The following CNKSR3 variants were observed in gnomAD, a reference collection of about 807,000 sequenced individuals.
CNKSR3 encodes CNKSR family member 3.
CNKSR3 carries 36 observed loss-of-function variants against 67.7 expected under a neutral mutation model. That is an observed-to-expected ratio of 0.53 (90% confidence interval 0.41 to 0.70). CNKSR3 has a LOEUF of 0.70. Among genes scored for constraint, CNKSR3 ranks in the 30% least tolerant of loss-of-function variants. CNKSR3 has a pLI of 0.00. For synonymous variants in CNKSR3, 281 were observed against 271.4 expected (o/e 1.04, Z -0.35); for missense variants, 630 against 695.2 (o/e 0.91, Z 1.05).
intron 1 of CNKSR3, among the ~76,000 whole-genome samples, chr6:154,493,190 G>A (rs1389301445): frequency 3.9e-5 from 6 of 152,046 alleles, no homozygotes; most frequent in Admixed American, 3.3e-4. Context: ...ACATGCACTC[G>A]CTGTTCCCTT....
chr6:154,431,177 C>T (rs1333290270), intron 5 of CNKSR3, among the ~76,000 whole-genome samples: 1 of 152,096 alleles, frequency 6.6e-6, no homozygotes, highest in Non-Finnish European at 1.5e-5. Flanking sequence ...GGCACAGTGG[C>T]TCATGCCTGT....
chr6:154,481,711 A>G (rs901267612), intron 1 of CNKSR3, among the ~76,000 whole-genome samples: 5 of 152,228 alleles, frequency 3.3e-5, no homozygotes, highest in Admixed American at 3.3e-4. Context: ...GGTCATCTTC[A>G]GAGCACTGAA....
At chr6:154,444,595 A>T (rs980373962) in intron 2 of CNKSR3, among the ~76,000 whole-genome samples, 1 of 151,528 alleles carries the variant, frequency 6.6e-6, no homozygotes, top group African/African-American at 2.4e-5. Context: ...TCCCCTCTGA[A>T]GTGGAGAAAC....
intron 1 of CNKSR3, among the ~76,000 whole-genome samples, chr6:154,495,923 G>A (rs987342260): frequency 2.0e-5 from 3 of 151,842 alleles, no homozygotes; most frequent in East Asian, 1.9e-4. Context: ...CCATTGCCAC[G>A]GCTCTGTCAT....
chr6:154,442,339 T>C (rs1351852837), intron 2 of CNKSR3, 49 bp from the exon 3 acceptor site: 6 of 1,527,784 alleles, frequency 3.9e-6, no homozygotes, highest in Non-Finnish European at 4.5e-6. Context: ...TGCACAATAT[T>C]CGACAGGGCG....
intron 4 of CNKSR3, among the ~76,000 whole-genome samples, chr6:154,434,688 G>A (rs1785435048): frequency 6.6e-6 from 1 of 152,138 alleles, no homozygotes; most frequent in Non-Finnish European, 1.5e-5. Context: ...GAGCAGCCTA[G>A]AGAGAAAAGA....
Position 154,389,575 on chromosome 6 carries a change from T to C in CNKSR3, c.*16779A>G, listed in dbSNP as rs913942388. 6.6e-6 allele frequency: 1 copy of C among 152,240 alleles called. No individual in the cohort carries two copies. Among genetic ancestry groups the C allele is most frequent in the African/African-American group, 2.4e-5 (1 of 41,462 alleles). 9.4% of individuals were successfully genotyped at this position (152,240 alleles called of 1,614,324 possible). A position where few individuals can be genotyped will look rare whatever the true frequency, so the allele number is the denominator to read the frequency against. On this transcript the variant is annotated 3_prime_UTR_variant, in exon 13 of 13. Coordinates refer to ENST00000607772, the MANE Select transcript of CNKSR3 (RefSeq NM_173515.4). ...TCAAGATTGATATGGCTATTCATGG[T>C]CTTTTGTGGTTTCATATGGACTGTA...
chr6:154,504,406 A>G (rs1408507831), intron 1 of CNKSR3, among the ~76,000 whole-genome samples: 1 of 152,218 alleles, frequency 6.6e-6, no homozygotes, highest in Non-Finnish European at 1.5e-5. Context: ...TCCTGGAGCT[A>G]TAGGAAAAAG....
At position 154,510,226 on chromosome 6, in the gene CNKSR3, G is replaced by C. The variant is rs1049163332; in HGVS notation, c.-112C>G. On this transcript the variant is annotated 5_prime_UTR_variant, in exon 1 of 13. Transcript: ENST00000607772. ...CGCCCGCGGCTGCTCCCCTGCGCCC[G>C]AGCGACTCCGTCAAGACTGCATGGC... The C allele has an allele frequency of 3.1e-6, 4 of 1,273,172 alleles. No individual in the cohort carries two copies. Among genetic ancestry groups the C allele is most frequent in the Admixed American group, 1.8e-5 (1 of 56,916 alleles). 78.9% of individuals were successfully genotyped at this position (1,273,172 alleles called of 1,614,324 possible). A position where few individuals can be genotyped will look rare whatever the true frequency, so the allele number is the denominator to read the frequency against.
At chr6:154,435,036 C>T (rs1472421021) in intron 4 of CNKSR3, among the ~76,000 whole-genome samples, 1 of 150,328 alleles carries the variant, frequency 6.7e-6, no homozygotes, top group African/African-American at 2.5e-5. Flanking sequence ...ACTCTCTCGC[C>T]CAAGTAGGAA....
chr6:154,510,002 G>T (rs1787181877), intron 1 of CNKSR3, 61 bp downstream of exon 1: 17 of 1,581,614 alleles, frequency 1.1e-5, no homozygotes, highest in Non-Finnish European at 1.0e-5. Context: ...CTCTTCCCCA[G>T]CTCCTCGTCC....
intron 1 of CNKSR3, among the ~76,000 whole-genome samples, chr6:154,466,357 T>C (rs1786198604): frequency 6.6e-6 from 1 of 152,104 alleles, no homozygotes; most frequent in African/African-American, 2.4e-5. Flanking sequence ...CGGACTTGTG[T>C]TTCACCACAA....
chr6:154,469,729 A>G (rs765206165), intron 1 of CNKSR3, among the ~76,000 whole-genome samples: 1 of 152,214 alleles, frequency 6.6e-6, no homozygotes, highest in African/African-American at 2.4e-5. Flanking sequence ...AACAATCACC[A>G]CTATCTACAG....
chr6:154,440,171 T>C (rs941569775), intron 4 of CNKSR3, among the ~76,000 whole-genome samples: 3 of 152,216 alleles, frequency 2.0e-5, no homozygotes, highest in African/African-American at 7.2e-5. Context: ...TTGAGAACAA[T>C]GGCTGCTCAG....
At chr6:154,454,513 C>T (rs1785910332) in intron 1 of CNKSR3, among the ~76,000 whole-genome samples, 1 of 151,986 alleles carries the variant, frequency 6.6e-6, no homozygotes, top group Non-Finnish European at 1.5e-5. Context: ...ATAGCAAGAC[C>T]CCATCTCTAT....
rs772607288 is a variant in CNKSR3, at chr6:154,450,179, G to A, written c.132C>T (p.Ser44=). ...CCCCCAGCTCCTCCAGGTCCTGATG[G>A]GAAATCTGCAGCAGCTGCTCGCCGT... ...KINGEQLLQI[S]HQDLEELGVT... Residue 44 remains serine, a synonymous_variant, in exon 2 of 13, where the codon TCC becomes TCT. Transcript: ENST00000607772. The A allele has an allele frequency of 3.9e-5, 63 of 1,614,046 alleles. No homozygotes were observed. The highest frequency in any genetic ancestry group is 1.7e-4 in the Admixed American group (10 of 59,984).
chr6:154,419,032 CTTTT>C (rs548152585), intron 9 of CNKSR3, among the ~76,000 whole-genome samples: 1 of 122,154 alleles, frequency 8.2e-6, no homozygotes, highest in Non-Finnish European at 1.6e-5. Context: ...TACTCTCTTG[CTTTT>C]TTTTTTTTTT....
chr6:154,462,269 T>TC (rs1786096213), intron 1 of CNKSR3, among the ~76,000 whole-genome samples: 1 of 139,170 alleles, frequency 7.2e-6, no homozygotes, highest in African/African-American at 2.6e-5. Context: ...TTGTATAAGT[T>TC]CCCCCCACCC....
intron 1 of CNKSR3, among the ~76,000 whole-genome samples, chr6:154,498,119 A>T (rs1786913603): frequency 6.6e-6 from 1 of 152,262 alleles, no homozygotes; most frequent in African/African-American, 2.4e-5. Context: ...GTTTCTGGCT[A>T]AATAATACCT....
Sources: gnomAD v4.1 joint callset for allele counts (sites outside exome capture counted in the v4.1 genomes callset) on GRCh38, gnomAD v4.1.1 for gene constraint, MANE v1.5 for transcripts, NCBI Gene and HGNC (gene_info 2026-07-23, HGNC 2026-07-21) for gene names.